CCND3: variants seen among roughly 807,000 people sequenced by gnomAD.
CCND3 encodes the protein G1/S-specific cyclin-D3.
CCND3 carries 9 observed loss-of-function variants against 28.7 expected under a neutral mutation model. The observed-to-expected ratio is 0.31, with a 90% CI of 0.19 to 0.55. CCND3 has a LOEUF of 0.55. Among genes scored for constraint, CCND3 ranks in the 20% least tolerant of loss-of-function variants. The pLI is 0.93. For missense variants in CCND3, 315 were observed against 385.8 expected (o/e 0.82, Z 1.54); for synonymous variants, 164 against 163.9 (o/e 1.00, Z 0.00).
chr6:41,972,676 C>T (rs775974857), intron 1 of CCND3, among the ~76,000 whole-genome samples: 10 of 151,950 alleles, frequency 6.6e-5, no homozygotes, highest in African/African-American at 2.2e-4. Context: ...GATAGCCTCA[C>T]GCCTCCTTGT....
intron 1 of CCND3, among the ~76,000 whole-genome samples, chr6:41,997,874 G>A (rs1233795877): frequency 1.3e-5 from 2 of 151,790 alleles, no homozygotes; most frequent in African/African-American, 4.8e-5. Flanking sequence ...AGGCACAATG[G>A]CTCATGTCTG....
At chr6:41,977,072 T>C (rs900947954) in intron 1 of CCND3, among the ~76,000 whole-genome samples, 19 of 152,256 alleles carry the variant, frequency 1.2e-4, no homozygotes, top group Admixed American at 2.6e-4. Flanking sequence ...AATGACTCAT[T>C]GGCATAAGGA....
At chr6:42,032,517 G>A (rs1428813335) in intron 1 of CCND3, among the ~76,000 whole-genome samples, 1 of 152,258 alleles carries the variant, frequency 6.6e-6, no homozygotes, top group Non-Finnish European at 1.5e-5. Context: ...GGTTTCTGAA[G>A]ATGGAATTTA....
intron 1 of CCND3, among the ~76,000 whole-genome samples, chr6:42,015,222 C>G (rs1425669670): frequency 2.0e-5 from 3 of 152,010 alleles, no homozygotes; most frequent in African/African-American, 7.2e-5. Context: ...GAATGGACAC[C>G]CTTAACCACT....
chr6:41,982,045 A>G (rs9394845), intron 1 of CCND3, among the ~76,000 whole-genome samples: 149,858 of 151,322 alleles, frequency 0.99, 74,214 homozygotes, highest in Middle Eastern at 1. Context: ...TGAGGCGGGC[A>G]GATCACCTGA....
intron 1 of CCND3, among the ~76,000 whole-genome samples, chr6:41,964,356 GTGTGTGTA>G: frequency 6.8e-6 from 1 of 147,168 alleles, no homozygotes; most frequent in Admixed American, 6.9e-5. Context: ...GTGTGAGTCT[GTGTGTGTA>G]TGTGTGAATG....
chr6:42,019,265 A>C (rs749341474), intron 1 of CCND3, among the ~76,000 whole-genome samples: 5 of 152,160 alleles, frequency 3.3e-5, no homozygotes, highest in Non-Finnish European at 7.4e-5. Flanking sequence ...AGGCAGGCAG[A>C]TCACTTGAGG....
chr6:41,944,290 C>G (rs964171841), upstream of CCND3, among the ~76,000 whole-genome samples: 1 of 151,956 alleles, frequency 6.6e-6, no homozygotes, highest in African/African-American at 2.4e-5. Context: ...TGAACCATAA[C>G]GGCACATGAC....
chr6:42,028,631 G>A (rs1582180236), intron 1 of CCND3, among the ~76,000 whole-genome samples: 1 of 152,224 alleles, frequency 6.6e-6, no homozygotes, highest in East Asian at 1.9e-4. Flanking sequence ...CACAGGCATG[G>A]GTAAAGAGCT....
intron 1 of CCND3, among the ~76,000 whole-genome samples, chr6:41,993,653 G>T (rs1205512808): frequency 6.6e-6 from 1 of 151,130 alleles, no homozygotes; most frequent in African/African-American, 2.4e-5. Flanking sequence ...CAGATGATCC[G>T]CCCACCTCGG....
intron 1 of CCND3, among the ~76,000 whole-genome samples, chr6:41,964,477 TGTGTGTGA>T (rs1561964116): frequency 6.6e-5 from 7 of 105,578 alleles, no homozygotes; most frequent in African/African-American, 2.4e-4. Context: ...TGTGTGTGAG[TGTGTGTGA>T]ATGTGTGTGT....
intron 1 of CCND3, among the ~76,000 whole-genome samples, chr6:42,013,012 C>A (rs2127428666): frequency 6.6e-6 from 1 of 152,296 alleles, no homozygotes; most frequent in Non-Finnish European, 1.5e-5. Flanking sequence ...CTGGTCCGGT[C>A]CTGTTTTCTG....
intron 1 of CCND3, among the ~76,000 whole-genome samples, chr6:41,987,477 T>TTCTCTCTC (rs71544258): frequency 7.9e-6 from 1 of 126,392 alleles, no homozygotes; most frequent in African/African-American, 2.9e-5. Context: ...GACCAGGCTT[T>TTCTCTCTC]TCTCTCTCTC....
intron 2 of CCND3, chr6:41,937,670 G>T (rs1046985378): frequency 6.4e-6 from 3 of 468,632 alleles, no homozygotes; most frequent in Non-Finnish European, 1.2e-5. Context: ...ATGTTTAAGG[G>T]GCCAATAATC....
rs1027183189 is a variant in CCND3 at position 42,036,172 on chromosome 6, C to T, written c.-46+12329G>A. On this transcript the variant is annotated intron_variant, in intron 1 of 4. Coordinates refer to the CCND3 transcript ENST00000372988. ...CATGCCCAGCTAATTCTTGTATTTT[C>T]AGTAGACATGTGGTTTCACCATGTT... Among the ~76,000 whole-genome samples, 5 of 148,862 alleles carry T rather than the reference C, an allele frequency of 3.4e-5. No homozygotes were observed. The Admixed American group carries it at 3.4e-4, about 10-fold the overall frequency.
rs913780231 is a variant in CCND3, at chr6:41,939,150, C to T, written c.414+1220G>A. On this transcript the variant is annotated intron_variant, in intron 2 of 4. Transcript: ENST00000372991. This position sits in a 1 kb window ranked among gnomAD's most constrained non-coding sequence, Gnocchi z 4.2. ...TCATCACAAAGAGCTGTGGCGCCTCCTGGATTCCCAACTCTGGCCTCCTAC... is the reference window on the plus strand; with the variant it reads ...TCATCACAAAGAGCTGTGGCGCCTCTTGGATTCCCAACTCTGGCCTCCTAC... Among the ~76,000 whole-genome samples the T allele has an allele frequency of 1.3e-5, 2 of 152,176 alleles. No individual in the cohort carries two copies. Among genetic ancestry groups the T allele is most frequent in the African/African-American group, 4.8e-5 (2 of 41,452 alleles).
intron 1 of CCND3, among the ~76,000 whole-genome samples, chr6:41,947,610 A>C (rs1776201672): frequency 6.6e-6 from 1 of 152,184 alleles, no homozygotes; most frequent in South Asian, 2.1e-4. Context: ...AAATATTTCC[A>C]AAATCTACTC....
chr6:41,953,404 G>A (rs1486421393), intron 1 of CCND3, among the ~76,000 whole-genome samples: 1 of 152,068 alleles, frequency 6.6e-6, no homozygotes, highest in Non-Finnish European at 1.5e-5. Context: ...TGTCAAAGGG[G>A]GATAACAAGA....
chr6:41,999,173 G>A (rs962479923), intron 1 of CCND3, among the ~76,000 whole-genome samples: 27 of 152,030 alleles, frequency 1.8e-4, no homozygotes, highest in African/African-American at 6.3e-4. Flanking sequence ...CTGAGATAGC[G>A]CCATTGCGCT....
Sources: allele counts gnomAD v4.1 joint callset (sites outside exome capture counted in the v4.1 genomes callset), GRCh38; gene constraint gnomAD v4.1.1; non-coding constraint Gnocchi (gnomAD v3.1); transcripts MANE v1.5; gene names NCBI Gene and HGNC (gene_info 2026-07-23, HGNC 2026-07-21).